The following FBXL17 variants were observed in gnomAD, a reference collection of about 807,000 sequenced individuals.
The protein encoded by FBXL17 is F-box/LRR-repeat protein 17.
FBXL17 carries 22 observed loss-of-function variants against 66.2 expected under a neutral mutation model. The ratio of observed to expected loss-of-function variants is 0.33; its 90% CI spans 0.24 to 0.47. The LOEUF (loss-of-function observed/expected upper bound fraction) is 0.47. Ranked by LOEUF, FBXL17 falls within the 20% of genes least tolerant of loss-of-function variation. FBXL17 has a pLI of 1.00. For missense variants in FBXL17, 878 were observed against 948.2 expected (o/e 0.93, Z 0.97); for synonymous variants, 474 against 400.5 (o/e 1.18, Z -2.19).
rs909337534 is a variant in FBXL17 at position 108,025,719 on chromosome 5, G to A, written c.1746-4718C>T. 1.3e-3 allele frequency among the ~76,000 whole-genome samples: 131 copies of A among 104,144 alleles called. No homozygotes were observed. The Middle Eastern group carries it at 0.015, about 12-fold the overall frequency. 68.3% of individuals were successfully genotyped at this position (104,144 alleles called of 152,430 possible). A position where few individuals can be genotyped will look rare whatever the true frequency, so the allele number is the denominator to read the frequency against. Reference sequence around the variant, plus strand: ...CACACACACAAACACACACACACACGCGCGCGCGCACACACACACACACAC... The same window carrying A: ...CACACACACAAACACACACACACACACGCGCGCGCACACACACACACACAC... On this transcript the variant is annotated intron_variant, in intron 6 of 8. Coordinates refer to ENST00000542267, the MANE Select transcript of FBXL17 (RefSeq NM_001163315.3).
chr5:108,203,089 T>G (rs1466751809), intron 5 of FBXL17, among the ~76,000 whole-genome samples: 1 of 152,110 alleles, frequency 6.6e-6, no homozygotes, highest in African/African-American at 2.4e-5. Context: ...TTTCATAAAA[T>G]TATTGTATCT....
chr5:108,029,557 A>G (rs921693218), intron 6 of FBXL17, among the ~76,000 whole-genome samples: 1 of 152,130 alleles, frequency 6.6e-6, no homozygotes, highest in African/African-American at 2.4e-5. Context: ...TAACATTTGT[A>G]AGAAAGAGGT....
At position 108,381,750 on chromosome 5, in the gene FBXL17, C is replaced by G; in HGVS notation, c.-59G>C. ...AGGGAGGGAGACCCAGAGAGGCGGGCTCCCGGCAGCGGGGCAGGCCGCTCG... is the reference window on the plus strand; with the variant it reads ...AGGGAGGGAGACCCAGAGAGGCGGGGTCCCGGCAGCGGGGCAGGCCGCTCG... On this transcript the variant is annotated 5_prime_UTR_variant, in exon 1 of 9. Coordinates refer to ENST00000542267, the MANE Select transcript of FBXL17 (RefSeq NM_001163315.3). 1.2e-5 allele frequency: 16 copies of G among 1,377,162 alleles called. No individual in the cohort carries two copies. The highest frequency in any genetic ancestry group is 1.4e-5 in the Non-Finnish European group (15 of 1,071,566). The allele number at this position is 1,377,162 out of a possible 1,614,324, so 85.3% of individuals were successfully genotyped here. A position where few individuals can be genotyped will look rare whatever the true frequency, so the allele number is the denominator to read the frequency against.
chr5:108,051,289 A>C (rs189966479), intron 6 of FBXL17, among the ~76,000 whole-genome samples: 166 of 152,342 alleles, frequency 1.1e-3, no homozygotes, highest in Non-Finnish European at 1.6e-3. Context: ...ACAACAAAAA[A>C]GAAAACTTCA....
At position 107,928,420 on chromosome 5, in the gene FBXL17, G is replaced by GT. The variant is rs5870288; in HGVS notation, c.1823-47242dup. 4.3e-3 allele frequency among the ~76,000 whole-genome samples: 627 copies of GT among 145,532 alleles called. 10 individuals carry two copies. Among genetic ancestry groups the GT allele is most frequent in the South Asian group, 4.6e-3 (21 of 4,594 alleles). On this transcript the variant is annotated intron_variant, in intron 7 of 8. Coordinates refer to ENST00000542267, the MANE Select transcript of FBXL17 (RefSeq NM_001163315.3). ...CAAGAGACAAAAAGCTACATACTTT[G>GT]TTTTTTTTTTTAAGTCAGCAAAGAT...
At chr5:108,014,746 T>C (rs181261867) in intron 7 of FBXL17, among the ~76,000 whole-genome samples, 2 of 152,298 alleles carry the variant, frequency 1.3e-5, no homozygotes, top group East Asian at 3.9e-4. Context: ...TCCGCTTTCA[T>C]GCTGCTGATA....
At chr5:107,991,387 G>C (rs1040807218) in intron 7 of FBXL17, among the ~76,000 whole-genome samples, 2 of 152,140 alleles carry the variant, frequency 1.3e-5, no homozygotes, top group African/African-American at 2.4e-5. Context: ...ATCCTCTTTT[G>C]GGGGGTGGGG....
intron 6 of FBXL17, among the ~76,000 whole-genome samples, chr5:108,164,218 GACATTAAGCC>G (rs1358966189): frequency 4.6e-5 from 7 of 152,172 alleles, no homozygotes; most frequent in Admixed American, 4.6e-4. Context: ...ATCCAACCAT[GACATTAAGCC>G]ATACACGAAC....
intron 6 of FBXL17, among the ~76,000 whole-genome samples, chr5:108,036,726 C>T (rs1366260698): frequency 6.6e-6 from 1 of 152,130 alleles, no homozygotes; most frequent in African/African-American, 2.4e-5. Context: ...CCACTGGCAG[C>T]AGGACTCACG....
intron 4 of FBXL17, among the ~76,000 whole-genome samples, chr5:108,312,380 A>G (rs73781321): frequency 7.9e-5 from 12 of 152,052 alleles, no homozygotes; most frequent in Non-Finnish European, 1.5e-5. Flanking sequence ...TCTTTTTTCT[A>G]AACTTACATA....
At chr5:107,927,573 A>G (rs1008058458) in intron 7 of FBXL17, among the ~76,000 whole-genome samples, 4 of 152,150 alleles carry the variant, frequency 2.6e-5, no homozygotes, top group Non-Finnish European at 4.4e-5. Flanking sequence ...ATAAGCTCTC[A>G]TAAGGCTACT....
At chr5:107,948,262 T>G (rs187804548) in intron 7 of FBXL17, among the ~76,000 whole-genome samples, 318 of 152,338 alleles carry the variant, frequency 2.1e-3, no homozygotes, top group South Asian at 5.6e-3. Context: ...TTCTGAGTAT[T>G]TACCTATCAT....
chr5:107,894,927 C>G (rs548687218), intron 7 of FBXL17, among the ~76,000 whole-genome samples: 1 of 151,934 alleles, frequency 6.6e-6, no homozygotes, highest in South Asian at 2.1e-4. Context: ...TTAAAAAATT[C>G]TGCACTTTAA....
chr5:107,880,044 T>A, intron 8 of FBXL17: 1 of 374,052 alleles, frequency 2.7e-6, no homozygotes, highest in Non-Finnish European at 3.7e-6. Context: ...AAAACACCTG[T>A]GGAGTGCCTG....
At chr5:108,239,882 A>G (rs559551774) in intron 4 of FBXL17, among the ~76,000 whole-genome samples, 1 of 152,172 alleles carries the variant, frequency 6.6e-6, no homozygotes, top group South Asian at 2.1e-4. Context: ...CCAGTGAGGT[A>G]GAGCAGCAGG....
At chr5:108,347,405 A>C (rs748279736) in intron 4 of FBXL17, among the ~76,000 whole-genome samples, 7 of 152,220 alleles carry the variant, frequency 4.6e-5, no homozygotes, top group Non-Finnish European at 1.0e-4. Flanking sequence ...TTCAATTTTA[A>C]GAACTCCTAC....
chr5:107,993,639 A>G (rs1388010774), intron 7 of FBXL17, among the ~76,000 whole-genome samples: 1 of 152,196 alleles, frequency 6.6e-6, no homozygotes, highest in Non-Finnish European at 1.5e-5. Flanking sequence ...AAAACATTTA[A>G]TCTAATATAC....
chr5:107,961,750 T>C (rs1043372429), intron 7 of FBXL17, among the ~76,000 whole-genome samples: 1 of 152,170 alleles, frequency 6.6e-6, no homozygotes. Flanking sequence ...GATTCAAGAA[T>C]GCTTGCATTT....
chr5:108,011,712 T>C (rs1329532238), intron 7 of FBXL17, among the ~76,000 whole-genome samples: 1 of 152,164 alleles, frequency 6.6e-6, no homozygotes, highest in African/African-American at 2.4e-5. Flanking sequence ...TAATCCCAGC[T>C]ACTGGGGAGG....
Sources: allele counts gnomAD v4.1 joint callset (sites outside exome capture counted in the v4.1 genomes callset), GRCh38; gene constraint gnomAD v4.1.1; transcripts MANE v1.5; gene names NCBI Gene and HGNC (gene_info 2026-07-23, HGNC 2026-07-21).